The following WSCD1 variants were observed in gnomAD, a reference collection of about 807,000 sequenced individuals.
WSCD1 encodes WSC domain sialate O sulfotransferase 1.
In WSCD1, 41 loss-of-function variants were observed where a neutral mutation model predicts 60.4. The ratio of observed to expected loss-of-function variants is 0.68; its 90% CI spans 0.53 to 0.88. The LOEUF is 0.88. WSCD1 is among the 40% of genes least tolerant of loss of function. The probability of loss-of-function intolerance (pLI) is 0.00; values close to 1 mark genes in which losing one functional copy is unlikely to be tolerated. For synonymous variants in WSCD1, 361 were observed against 332.5 expected (o/e 1.09, Z -0.93); for missense variants, 784 against 796.2 (o/e 0.98, Z 0.18).
chr17:6,093,408 G>C (rs1910185156), intron 4 of WSCD1, among the ~76,000 whole-genome samples: 1 of 152,204 alleles, frequency 6.6e-6, no homozygotes, highest in Non-Finnish European at 1.5e-5. Context: ...TTCCCCCCAG[G>C]AGCTGTGTTC....
rs745898414 is a variant in WSCD1, at chr17:6,110,932, A to G, written c.1171A>G (p.Lys391Glu). Residue 391 changes from lysine (K) to glutamate (E), a missense_variant, in exon 7 of 9, where the codon AAA becomes GAA. Transcript: ENST00000317744. The surrounding 1 kb of genome is among the most constrained non-coding windows in gnomAD (Gnocchi z 4.8). ...CTACTTTGATGGAACCCTCTACAAC[A>G]AAGGTAAGTCAAAGCTACAGGGGAC... ...SYYFDGTLYN[K>E]GFKGEKDHWR... 6.3e-7 allele frequency: 1 copy of G among 1,597,440 alleles called. No individual in the cohort carries two copies. The highest frequency in any genetic ancestry group is 8.6e-7 in the Non-Finnish European group (1 of 1,167,994).
chr17:6,092,358 G>A (rs750832115), intron 4 of WSCD1, among the ~76,000 whole-genome samples: 3 of 152,004 alleles, frequency 2.0e-5, no homozygotes, highest in African/African-American at 4.8e-5. Context: ...CCAGCTGACC[G>A]GGGCTTCTTA....
intron 5 of WSCD1, among the ~76,000 whole-genome samples, chr17:6,099,181 A>C (rs1199532551): frequency 6.6e-6 from 1 of 152,134 alleles, no homozygotes; most frequent in African/African-American, 2.4e-5. Context: ...ATTTTCCTGT[A>C]ATAAGAAACA....
intron 2 of WSCD1, among the ~76,000 whole-genome samples, chr17:6,083,051 C>T (rs150009677): frequency 6.6e-6 from 1 of 152,258 alleles, no homozygotes; most frequent in African/African-American, 2.4e-5. Context: ...GAATGAGGAG[C>T]TGATGCTTCA....
chr17:6,105,900 C>T (rs1231792923), intron 5 of WSCD1, among the ~76,000 whole-genome samples: 6 of 152,144 alleles, frequency 3.9e-5, no homozygotes, highest in South Asian at 2.1e-4. Flanking sequence ...TTAGAGATAG[C>T]GGCTTTTCTT....
In WSCD1 at chr17:6,118,022, A is replaced by G; in HGVS notation, c.1209A>G (p.Arg403=). The G allele has an allele frequency of 6.2e-7, 1 of 1,614,130 alleles. No individual in the cohort carries two copies. Among genetic ancestry groups the G allele is most frequent in the Non-Finnish European group, 8.5e-7 (1 of 1,180,032 alleles). ...GCGAAAAGGACCACTGGCGGAGCCGACGCACCATCTGTGTCAAAACCCACG... is the reference window on the plus strand; with the variant it reads ...GCGAAAAGGACCACTGGCGGAGCCGGCGCACCATCTGTGTCAAAACCCACG... ...FKGEKDHWRS[R]RTICVKTHES... is the part of the protein sequence containing the mutation. Residue 403 remains arginine, a synonymous_variant, in exon 8 of 9, where the codon CGA becomes CGG. Coordinates refer to ENST00000317744, the MANE Select transcript of WSCD1 (RefSeq NM_015253.2). This position sits in a 1 kb window ranked among gnomAD's most constrained non-coding sequence, Gnocchi z 5.8.
chr17:6,108,540 A>T (rs777683352), intron 5 of WSCD1, among the ~76,000 whole-genome samples: 14 of 152,190 alleles, frequency 9.2e-5, no homozygotes, highest in Admixed American at 5.2e-4. Context: ...AGCAAGACAC[A>T]GCTGATGCCC....
intron 1 of WSCD1, among the ~76,000 whole-genome samples, chr17:6,079,034 TA>T (rs1392341699): frequency 6.6e-6 from 1 of 152,200 alleles, no homozygotes; most frequent in African/African-American, 2.4e-5. Context: ...CGCCCCAGCC[TA>T]AAGGACCAGC....
At chr17:6,116,741 T>G (rs985245032) in intron 7 of WSCD1, among the ~76,000 whole-genome samples, 3 of 152,236 alleles carry the variant, frequency 2.0e-5, no homozygotes, top group Non-Finnish European at 4.4e-5. Context: ...AAAAGAGACT[T>G]GCATTTTCCA....
Position 6,095,099 on chromosome 17 carries a change from C to G in WSCD1, c.728-3C>G. On this transcript the variant is annotated splice_polypyrimidine_tract_variant and splice_region_variant and intron_variant, in intron 4 of 8. Coordinates refer to ENST00000317744, the MANE Select transcript of WSCD1 (RefSeq NM_015253.2). ...TACCAGAAACCCCTCTCTTTTCCCCCAGGGCGGACCGCCACCTACCGCGGA... is the reference window on the plus strand; with the variant it reads ...TACCAGAAACCCCTCTCTTTTCCCCGAGGGCGGACCGCCACCTACCGCGGA... The G allele has an allele frequency of 6.2e-7, 1 of 1,608,752 alleles. No individual in the cohort carries two copies. Among genetic ancestry groups the G allele is most frequent in the Non-Finnish European group, 8.5e-7 (1 of 1,177,716 alleles).
chr17:6,104,895 C>A (rs146210449), intron 5 of WSCD1, among the ~76,000 whole-genome samples: 1 of 152,290 alleles, frequency 6.6e-6, no homozygotes, highest in African/African-American at 2.4e-5. Flanking sequence ...TGCCTACCTC[C>A]GAGCCTCAGT....
rs563000758 is a variant in WSCD1 at position 6,091,918 on chromosome 17, A to T, written c.727+1413A>T. On this transcript the variant is annotated intron_variant, in intron 4 of 8. Coordinates refer to ENST00000317744, the MANE Select transcript of WSCD1 (RefSeq NM_015253.2). ...ACGCCTGTAATCCCAGCACTTTGGG[A>T]GGCCAAGGCGGGCGAATCATGAGGT... 2.0e-5 allele frequency among the ~76,000 whole-genome samples: 3 copies of T among 152,298 alleles called. No homozygotes were observed. The South Asian group carries it at 6.2e-4, about 32-fold the overall frequency.
At chr17:6,106,266 T>C (rs1223329620) in intron 5 of WSCD1, among the ~76,000 whole-genome samples, 2 of 152,214 alleles carry the variant, frequency 1.3e-5, no homozygotes, top group Non-Finnish European at 2.9e-5. Flanking sequence ...TGTTTACCCA[T>C]GAGAAATGCA....
intron 5 of WSCD1, among the ~76,000 whole-genome samples, chr17:6,102,409 CTT>C (rs1910860852): frequency 6.6e-6 from 1 of 152,220 alleles, no homozygotes; most frequent in Non-Finnish European, 1.5e-5. Context: ...AGAATTTTCT[CTT>C]TGACAAAATG....
chr17:6,113,856 A>T (rs987620347), intron 7 of WSCD1, among the ~76,000 whole-genome samples: 1 of 152,146 alleles, frequency 6.6e-6, no homozygotes, highest in Admixed American at 6.5e-5. Flanking sequence ...GTTGGAGAGG[A>T]TGTGGAGAAA....
intron 3 of WSCD1, among the ~76,000 whole-genome samples, chr17:6,088,702 A>G (rs944388805): frequency 2.0e-5 from 3 of 151,834 alleles, no homozygotes; most frequent in African/African-American, 4.8e-5. Context: ...TGCTGCACAC[A>G]CACACACACA....
intron 3 of WSCD1, among the ~76,000 whole-genome samples, chr17:6,088,786 C>T (rs1312731636): frequency 7.2e-6 from 1 of 139,540 alleles, no homozygotes; most frequent in African/African-American, 2.7e-5. Context: ...TTTTTTTCAC[C>T]TTTTTTTTTT....
Position 6,110,803 on chromosome 17 carries a change from A to T in WSCD1, c.1042A>T (p.Asn348Tyr). ...TRCTDRRFLPNKSKVFVALSS... is the reference protein window; with the variant it reads ...TRCTDRRFLPYKSKVFVALSS... Reference sequence around the variant, plus strand: ...TTGTACAGACAGGAGGTTCCTGCCTAACAAATCCAAAGTGTTTGTGGCTTT... The same window carrying T: ...TTGTACAGACAGGAGGTTCCTGCCTTACAAATCCAAAGTGTTTGTGGCTTT... Residue 348 changes from asparagine to tyrosine, a missense_variant, in exon 7 of 9, where the codon AAC becomes TAC. By Grantham distance (143) the Asn-to-Tyr change is moderately radical (BLOSUM62 -2). Coordinates refer to ENST00000317744, the MANE Select transcript of WSCD1 (RefSeq NM_015253.2). This position sits in a 1 kb window ranked among gnomAD's most constrained non-coding sequence, Gnocchi z 4.8. 9 of 1,613,930 alleles carry T rather than the reference A, an allele frequency of 5.6e-6. No homozygotes were observed. The highest frequency in any genetic ancestry group is 7.6e-6 in the Non-Finnish European group (9 of 1,179,850).
At chr17:6,109,081 C>T (rs116061848) in intron 5 of WSCD1, among the ~76,000 whole-genome samples, 1,565 of 152,256 alleles carry the variant, frequency 0.01, 27 homozygotes, top group African/African-American at 0.035. Flanking sequence ...CAGAGGGAAT[C>T]GAATCTCAGT....
Sources: allele counts gnomAD v4.1 joint callset (sites outside exome capture counted in the v4.1 genomes callset), GRCh38; gene constraint gnomAD v4.1.1; non-coding constraint Gnocchi (gnomAD v3.1); transcripts MANE v1.5; gene names NCBI Gene and HGNC (gene_info 2026-07-23, HGNC 2026-07-21).